EIF1AD: variants seen among roughly 807,000 people sequenced by gnomAD.
EIF1AD encodes eukaryotic translation initiation factor 1A domain containing.
In EIF1AD, 9 loss-of-function variants were observed where a neutral mutation model predicts 21.7. The observed-to-expected ratio is 0.41, with a 90% CI of 0.25 to 0.72. The LOEUF (loss-of-function observed/expected upper bound fraction) is 0.72. Ranked by LOEUF, EIF1AD falls within the 30% of genes least tolerant of loss-of-function variation. The pLI, the probability that EIF1AD is intolerant of heterozygous loss-of-function variation, is 0.29. For missense variants in EIF1AD, 164 were observed against 199.7 expected (o/e 0.82, Z 1.08); for synonymous variants, 78 against 70.9 (o/e 1.10, Z -0.50).
chr11:65,999,307 C>T (rs766368387), intron 5 of EIF1AD, 43 bp downstream of exon 5: 5 of 1,613,722 alleles, frequency 3.1e-6, no homozygotes, highest in Non-Finnish European at 4.2e-6. Context: ...AAAGCATGAA[C>T]CCCTTATTTT....
At chr11:65,998,884 C>G (rs1317370029) in intron 5 of EIF1AD, 141 bp from the exon 6 acceptor site, 1 of 930,888 alleles carries the variant, frequency 1.1e-6, no homozygotes, top group Non-Finnish European at 1.6e-6. Flanking sequence ...ACAAGGGACA[C>G]AGGAGAGCAA....
Position 65,999,698 on chromosome 11 carries a change from CAA to C in EIF1AD, c.197-25_197-24del, listed in dbSNP as rs1220980274. ...CCCCTGTAGATAAGAAGAGAAAAGG[CAA>C]AGTCAGGCCTGCTTGCAATAAGGAA... On this transcript the variant is annotated intron_variant, in intron 3 of 5. Transcript: ENST00000533544. 1.9e-6 allele frequency: 3 copies of C among 1,554,218 alleles called. No homozygotes were observed. The East Asian group carries it at 6.7e-5, about 35-fold the overall frequency.
chr11:65,999,400 A>G lies in EIF1AD; in HGVS notation c.306-3T>C, dbSNP rs755746711. ...CCACTTCAGAGAAGGCCTCAGGCCT[A>G]TGCCAAGAGATGAGCCAAAGTCAGA... is the stretch of plus-strand genomic sequence containing the variant. On this transcript the variant is annotated splice_polypyrimidine_tract_variant and splice_region_variant and intron_variant, in intron 4 of 5. Coordinates refer to ENST00000533544, the MANE Select transcript of EIF1AD (RefSeq NM_001242481.2). The G allele has an allele frequency of 6.2e-7, 1 of 1,614,252 alleles. No homozygotes were observed. Among genetic ancestry groups the G allele is most frequent in the Non-Finnish European group, 8.5e-7 (1 of 1,180,056 alleles).
chr11:65,999,236 A>G (rs879273371), intron 5 of EIF1AD, 114 bp downstream of exon 5: 3 of 1,368,968 alleles, frequency 2.2e-6, no homozygotes, highest in African/African-American at 1.5e-5. Context: ...CATGCTTAGG[A>G]GCTCTCAACA....
rs376146940 is a variant in EIF1AD, at chr11:65,997,671, G to C, written c.*928C>G. ...TGATGGTGACTTGGGTTTGGGCACA[G>C]AGGTGAATGATTGGGTTTACCCAGG... On this transcript the variant is annotated 3_prime_UTR_variant, in exon 6 of 6. Transcript: ENST00000533544. 3 of 152,302 alleles carry C rather than the reference G, an allele frequency of 2.0e-5. No individual in the cohort carries two copies. The highest frequency in any genetic ancestry group is 2.0e-4 in the Admixed American group (3 of 15,278). 9.4% of individuals were successfully genotyped at this position (152,302 alleles called of 1,614,324 possible). A position where few individuals can be genotyped will look rare whatever the true frequency, so the allele number is the denominator to read the frequency against.
intron 3 of EIF1AD, 69 bp from the exon 4 acceptor site, chr11:65,999,744 G>T (rs506873): frequency 0.82 from 910,930 of 1,117,474 alleles, 374,245 homozygotes; most frequent in Admixed American, 0.86. Flanking sequence ...CCATAGGAAG[G>T]GGTTCTATCT....
rs761183142 is a variant in EIF1AD at position 66,000,366 on chromosome 11, C to T, written c.24G>A (p.Lys8=). The stretch of plus-strand genomic sequence containing the variant: ...CCCCTAGCACCTCCTTCACCACATG[C>T]TTCCTCTTGGTGGCCTGAGACATGC... The part of the protein sequence containing the change: MSQATKR[K]HVVKEVLGEH... The change falls in exon 2 of 6, where the codon AAG becomes AAA. Residue 8 remains lysine, a synonymous_variant. Coordinates refer to ENST00000533544, the MANE Select transcript of EIF1AD (RefSeq NM_001242481.2). 10 of 1,612,524 alleles carry T rather than the reference C, an allele frequency of 6.2e-6. No homozygotes were observed. In the East Asian group the frequency reaches 2.2e-4, roughly 36 times the overall value.
Position 65,998,692 on chromosome 11 carries a change from G to C in EIF1AD, c.405C>G (p.Ser135=). 1 of 1,614,116 alleles carries C rather than the reference G, an allele frequency of 6.2e-7. No homozygotes were observed. The highest frequency in any genetic ancestry group is 8.5e-7 in the Non-Finnish European group (1 of 1,180,030). The part of the protein sequence containing the change: ...PAEPQLSGEE[S]SSEDDSDLFV... ...ACAGGTCAGAATCATCTTCTGAGCT[G>C]GACTCCTCTCCTGATAACTGTGGCT... Residue 135 remains serine (S), a synonymous_variant, in exon 6 of 6, where the codon TCC becomes TCG. Coordinates refer to ENST00000533544, the MANE Select transcript of EIF1AD (RefSeq NM_001242481.2).
In EIF1AD at chr11:66,000,512, G is replaced by A. The variant is rs993568623; in HGVS notation, c.-116-7C>T. The A allele has an allele frequency of 1.1e-4, 93 of 851,788 alleles. No individual in the cohort carries two copies. The highest frequency in any genetic ancestry group is 1.6e-4 in the Non-Finnish European group (85 of 535,924). 52.8% of individuals were successfully genotyped at this position (851,788 alleles called of 1,614,324 possible). On this transcript the variant is annotated splice_region_variant and splice_polypyrimidine_tract_variant and intron_variant, in intron 1 of 5. Transcript: ENST00000533544. Reference sequence around the variant, plus strand: ...GATGGGGAGGGGCCTTTTACTGAGGGGTGACACGGTGTCTTGGTTAAGAAC... The same window carrying A: ...GATGGGGAGGGGCCTTTTACTGAGGAGTGACACGGTGTCTTGGTTAAGAAC...
Position 65,998,377 on chromosome 11 carries a change from C to A in EIF1AD, c.*222G>T. ...CTCTAATAAATAGGGAGCAGTTTTT[C>A]ACTTCATCACAATCTCCCTCCCCCG... On this transcript the variant is annotated 3_prime_UTR_variant, in exon 6 of 6. Transcript: ENST00000533544. 8.6e-6 allele frequency: 3 copies of A among 349,246 alleles called. No homozygotes were observed. The highest frequency in any genetic ancestry group is 1.5e-5 in the Non-Finnish European group (3 of 195,454). The allele number at this position is 349,246 out of a possible 1,614,324, so 21.6% of individuals were successfully genotyped here.
rs1855814599 is a variant in EIF1AD at position 65,998,596 on chromosome 11, G to A, written c.*3C>T. 1.2e-6 allele frequency: 2 copies of A among 1,613,240 alleles called. No homozygotes were observed. The highest frequency in any genetic ancestry group is 1.3e-5 in the African/African-American group (1 of 74,890). On this transcript the variant is annotated 3_prime_UTR_variant, in exon 6 of 6. Coordinates refer to ENST00000533544, the MANE Select transcript of EIF1AD (RefSeq NM_001242481.2). ...AGCAAGTGGAGAATTGGGTCCTGGA[G>A]TCTCAGGCTGCCTCCTCCTCTTCAC...
Position 66,000,165 on chromosome 11 carries a change from G to A in EIF1AD, c.88-4C>T. The stretch of plus-strand genomic sequence containing the variant: ...TGTTCCCTGGGGTCCTGAGTACCTG[G>A]TTCAGGAGAGACCAAGAATCAGTCT... On this transcript the variant is annotated splice_region_variant and splice_polypyrimidine_tract_variant and intron_variant, in intron 2 of 5. Coordinates refer to ENST00000533544, the MANE Select transcript of EIF1AD (RefSeq NM_001242481.2). 6.2e-7 allele frequency: 1 copy of A among 1,611,538 alleles called. No homozygotes were observed. The highest frequency in any genetic ancestry group is 1.3e-5 in the African/African-American group (1 of 74,992).
At position 65,996,649 on chromosome 11, in the gene EIF1AD, G is replaced by A. The variant is rs911529755; in HGVS notation, c.*1950C>T. 2.6e-5 allele frequency: 4 copies of A among 151,708 alleles called. No individual in the cohort carries two copies. The highest frequency in any genetic ancestry group is 1.9e-4 in the East Asian group (1 of 5,186). The allele number at this position is 151,708 out of a possible 1,614,324, so 9.4% of individuals were successfully genotyped here. A position where few individuals can be genotyped will look rare whatever the true frequency, so the allele number is the denominator to read the frequency against. ...CAAATGTATATATGTTTAAAGCCAC[G>A]CTATAAGAGAAAGTAAATGAGAAAC... On this transcript the variant is annotated 3_prime_UTR_variant, in exon 6 of 6. Coordinates refer to ENST00000533544, the MANE Select transcript of EIF1AD (RefSeq NM_001242481.2).
rs1362265900 is a variant in EIF1AD at position 65,997,271 on chromosome 11, G to A, written c.*1328C>T. ...GAACCCAGTAGGTGAAGGTTACAGT[G>A]AGCCGAGATCACACCACTGCACTCC... On this transcript the variant is annotated 3_prime_UTR_variant, in exon 6 of 6. Coordinates refer to ENST00000533544, the MANE Select transcript of EIF1AD (RefSeq NM_001242481.2). 1 of 140,634 alleles carries A rather than the reference G, an allele frequency of 7.1e-6. No homozygotes were observed. Among genetic ancestry groups the A allele is most frequent in the Non-Finnish European group, 1.5e-5 (1 of 65,730 alleles). 8.7% of individuals were successfully genotyped at this position (140,634 alleles called of 1,614,324 possible).
At chr11:66,001,110 G>T (rs537332604) in intron 1 of EIF1AD, among the ~76,000 whole-genome samples, 2 of 152,212 alleles carry the variant, frequency 1.3e-5, no homozygotes, top group East Asian at 3.9e-4. Flanking sequence ...TCTTTAATCT[G>T]GTGTCTGAGG....
At chr11:65,999,985 G>C in intron 3 of EIF1AD, 68 bp downstream of exon 3, 1 of 1,270,466 alleles carries the variant, frequency 7.9e-7, no homozygotes, top group Non-Finnish European at 1.1e-6. Context: ...TGCTGCCCAG[G>C]CTGGTCTCAA....
chr11:66,000,765 GAAGT>G (rs1414603886), intron 1 of EIF1AD: 1 of 185,984 alleles, frequency 5.4e-6, no homozygotes, highest in African/African-American at 2.3e-5. Flanking sequence ...GAAAGAAACA[GAAGT>G]AAGATAAATA....
At chr11:65,999,997 C>T (rs1590661917) in intron 3 of EIF1AD, 56 bp downstream of exon 3, 22 of 1,400,880 alleles carry the variant, frequency 1.6e-5, no homozygotes, top group South Asian at 5.9e-5. Context: ...TGGTCTCAAG[C>T]GATCCTCCCA....
chr11:65,999,500 T>G, intron 4 of EIF1AD, 67 bp downstream of exon 4: 1 of 1,598,900 alleles, frequency 6.3e-7, no homozygotes, highest in Non-Finnish European at 8.6e-7. Flanking sequence ...TTCCCTCCCC[T>G]AATTCCCAAG....
Sources: allele counts gnomAD v4.1 joint callset (sites outside exome capture counted in the v4.1 genomes callset), GRCh38; gene constraint gnomAD v4.1.1; transcripts MANE v1.5; gene names NCBI Gene and HGNC (gene_info 2026-07-23, HGNC 2026-07-21).